The following ARHGAP17 variants were observed in gnomAD, a reference collection of about 807,000 sequenced individuals.
The protein encoded by ARHGAP17 is rho GTPase-activating protein 17.
ARHGAP17 carries 57 observed loss-of-function variants against 99.5 expected under a neutral mutation model. That is an observed-to-expected ratio of 0.57 (90% confidence interval 0.46 to 0.71). The LOEUF is 0.71. Among genes scored for constraint, ARHGAP17 ranks in the 30% least tolerant of loss-of-function variants. The pLI, the probability that ARHGAP17 is intolerant of heterozygous loss-of-function variation, is 0.00. For missense variants in ARHGAP17, 1,000 were observed against 1,122.4 expected, an observed-to-expected ratio of 0.89 and a Z score of 1.56; for synonymous variants, 417 against 429.6, an observed-to-expected ratio of 0.97 and a Z score of 0.36.
Position 24,964,345 on chromosome 16 carries a change from G to A in ARHGAP17, c.462-37C>T, listed in dbSNP as rs763857839. ...AGGGGTCACCAGCATCTGAGAACCA[G>A]CTGTGTATACTCAACAGCTGGAGGC... is the stretch of plus-strand genomic sequence containing the variant. On this transcript the variant is annotated intron_variant, in intron 6 of 19. Transcript: ENST00000289968. The A allele has an allele frequency of 2.1e-6, 3 of 1,425,764 alleles. No individual in the cohort carries two copies. The East Asian group carries it at 6.8e-5, about 33-fold the overall frequency. The allele number at this position is 1,425,764 out of a possible 1,614,324, so 88.3% of individuals were successfully genotyped here.
At chr16:24,929,986 C>G (rs1448008734) in intron 19 of ARHGAP17, among the ~76,000 whole-genome samples, 1 of 152,126 alleles carries the variant, frequency 6.6e-6, no homozygotes, top group East Asian at 1.9e-4. Context: ...CCCTAATTAC[C>G]ATTTTTAAAA....
intron 1 of ARHGAP17, among the ~76,000 whole-genome samples, chr16:25,012,759 T>C (rs995807493): frequency 2.0e-5 from 3 of 152,248 alleles, no homozygotes; most frequent in African/African-American, 7.2e-5. Flanking sequence ...GGGTGCATAA[T>C]TGCCACACCC....
At chr16:24,988,428 G>T (rs983698646) in intron 1 of ARHGAP17, among the ~76,000 whole-genome samples, 5 of 152,120 alleles carry the variant, frequency 3.3e-5, no homozygotes, top group African/African-American at 7.2e-5. Flanking sequence ...TGGCAATGAC[G>T]TGGGAAAAAT....
At chr16:24,965,695 C>T (rs780808702) in intron 6 of ARHGAP17, among the ~76,000 whole-genome samples, 7 of 152,160 alleles carry the variant, frequency 4.6e-5, no homozygotes, top group African/African-American at 9.7e-5. Context: ...GTTTGGAGCT[C>T]AGCTTTATCT....
intron 19 of ARHGAP17, among the ~76,000 whole-genome samples, chr16:24,923,034 C>T (rs984033305): frequency 1.3e-5 from 2 of 152,104 alleles, no homozygotes; most frequent in African/African-American, 4.8e-5. Context: ...ACTATACACC[C>T]ACACTTTATT....
At chr16:24,924,286 T>C (rs1291126538) in intron 19 of ARHGAP17, among the ~76,000 whole-genome samples, 1 of 152,206 alleles carries the variant, frequency 6.6e-6, no homozygotes, top group Non-Finnish European at 1.5e-5. Context: ...TAAACGTCTC[T>C]GGCTATGAAT....
At chr16:25,000,265 A>G (rs958399300) in intron 1 of ARHGAP17, among the ~76,000 whole-genome samples, 1 of 152,236 alleles carries the variant, frequency 6.6e-6, no homozygotes, top group Non-Finnish European at 1.5e-5. Context: ...ATCCCATGAC[A>G]GAACACATTT....
intron 18 of ARHGAP17, 130 bp downstream of exon 18, chr16:24,935,340 T>C: frequency 8.6e-7 from 1 of 1,161,864 alleles, no homozygotes; most frequent in Non-Finnish European, 1.2e-6. Flanking sequence ...AATGACTGAA[T>C]TTTCTGCTTG....
rs1217096189 is a variant in ARHGAP17, at chr16:24,949,396, A to G, written c.1127+8T>C. The G allele has an allele frequency of 6.2e-7, 1 of 1,611,458 alleles. No homozygotes were observed. The highest frequency in any genetic ancestry group is 1.1e-5 in the South Asian group (1 of 90,692). ...ACTCCAGAGTCATTGTAGCTCAATC[A>G]TACATACCTAAAGTTAACAAAATTT... On this transcript the variant is annotated splice_region_variant and intron_variant, in intron 13 of 19. Coordinates refer to ENST00000289968, the MANE Select transcript of ARHGAP17 (RefSeq NM_001006634.3).
Position 24,952,371 on chromosome 16 carries a change from C to G in ARHGAP17, c.965-1G>C. 6.2e-7 allele frequency: 1 copy of G among 1,610,964 alleles called. No homozygotes were observed. Among genetic ancestry groups the G allele is most frequent in the Non-Finnish European group, 8.5e-7 (1 of 1,177,860 alleles). The stretch of plus-strand genomic sequence containing the variant: ...TCCCGTAAATAGGATTTTAAAGCAC[C>G]TGAAATCATTAACACTCTCTTTGAG... On this transcript the variant is annotated splice_acceptor_variant, in intron 11 of 19. Coordinates refer to ENST00000289968, the MANE Select transcript of ARHGAP17 (RefSeq NM_001006634.3). LOFTEE classifies it high-confidence loss of function.
intron 16 of ARHGAP17, 127 bp from the exon 17 acceptor site, chr16:24,939,724 C>A (rs749361451): frequency 9.8e-7 from 1 of 1,020,148 alleles, no homozygotes; most frequent in Non-Finnish European, 1.5e-6. Context: ...TGCAGTGAAG[C>A]GGCAAGGACC....
intron 2 of ARHGAP17, 63 bp from the exon 3 acceptor site, chr16:24,977,382 G>T: frequency 7.4e-7 from 1 of 1,347,888 alleles, no homozygotes; most frequent in Non-Finnish European, 1.0e-6. Context: ...TCTGCATGCT[G>T]GTAGGAAAAG....
intron 1 of ARHGAP17, among the ~76,000 whole-genome samples, chr16:25,008,955 C>T (rs1012241860): frequency 5.9e-5 from 9 of 151,854 alleles, no homozygotes; most frequent in East Asian, 1.9e-4. Context: ...GCTGCTGCAA[C>T]GACAAGAGGA....
intron 2 of ARHGAP17, among the ~76,000 whole-genome samples, chr16:24,977,974 C>T (rs2052568201): frequency 6.6e-6 from 1 of 152,006 alleles, no homozygotes; most frequent in Non-Finnish European, 1.5e-5. Flanking sequence ...TACATTTGAC[C>T]CCAAACCATT....
chr16:24,936,913 T>C (rs1051309870), intron 17 of ARHGAP17: 5 of 148,754 alleles, frequency 3.4e-5, no homozygotes, highest in Non-Finnish European at 7.4e-5. Flanking sequence ...GAGACCAGGA[T>C]TGAAGACCAG....
At chr16:24,951,403 T>C (rs911210550) in intron 12 of ARHGAP17, among the ~76,000 whole-genome samples, 1 of 152,222 alleles carries the variant, frequency 6.6e-6, no homozygotes, top group Admixed American at 6.5e-5. Flanking sequence ...ATGAGCACAG[T>C]ACTTAGCACA....
chr16:24,992,232 T>C (rs1264814282), intron 1 of ARHGAP17, among the ~76,000 whole-genome samples: 1 of 152,162 alleles, frequency 6.6e-6, no homozygotes, highest in African/African-American at 2.4e-5. Flanking sequence ...AGGATGGAAG[T>C]AGGAACTCCT....
intron 6 of ARHGAP17, among the ~76,000 whole-genome samples, chr16:24,966,557 C>T (rs2052186227): frequency 6.6e-6 from 1 of 151,994 alleles, no homozygotes; most frequent in African/African-American, 2.4e-5. Context: ...CGCTTGAACC[C>T]AGCACCTTGG....
chr16:24,990,613 C>T (rs1018891664), intron 1 of ARHGAP17, among the ~76,000 whole-genome samples: 1 of 151,748 alleles, frequency 6.6e-6, no homozygotes. Flanking sequence ...GCCAAGATCA[C>T]ACCACTGCAC....
Sources: allele counts gnomAD v4.1 joint callset (sites outside exome capture counted in the v4.1 genomes callset), GRCh38; gene constraint gnomAD v4.1.1; transcripts MANE v1.5; gene names NCBI Gene and HGNC (gene_info 2026-07-23, HGNC 2026-07-21).